SGCZ: variants seen among roughly 807,000 people sequenced by gnomAD.
The protein encoded by SGCZ is sarcoglycan zeta.
Under a neutral mutation model 41.3 loss-of-function variants are expected in SGCZ, and 40 were observed. That is an observed-to-expected ratio of 0.97 (90% CI 0.75 to 1.26). SGCZ has a LOEUF of 1.26. SGCZ is among the 50% of genes most tolerant of loss of function. The pLI is 0.00. For synonymous variants in SGCZ, 206 were observed against 137.5 expected, an observed-to-expected ratio of 1.50 and a Z score of -3.49; for missense variants, 552 against 369.8, an observed-to-expected ratio of 1.49 and a Z score of -4.04.
At chr8:14,224,542 G>A (rs1240992755) in intron 4 of SGCZ, among the ~76,000 whole-genome samples, 2 of 152,050 alleles carry the variant, frequency 1.3e-5, no homozygotes, top group African/African-American at 2.4e-5. Context: ...TTGTGCATCT[G>A]GAAATATTTC....
intron 2 of SGCZ, among the ~76,000 whole-genome samples, chr8:14,338,381 G>A (rs766752593): frequency 2.1e-4 from 32 of 152,094 alleles, no homozygotes; most frequent in Non-Finnish European, 3.5e-4. Flanking sequence ...CACCCACGTG[G>A]GTAGCTTATG....
At chr8:15,163,105 ATG>A (rs1164382986) in intron 1 of SGCZ, among the ~76,000 whole-genome samples, 1 of 152,196 alleles carries the variant, frequency 6.6e-6, no homozygotes, top group Non-Finnish European at 1.5e-5. Context: ...TGTTATACAC[ATG>A]TGTTTGCATG....
chr8:14,429,467 G>A (rs1287552360), intron 2 of SGCZ, among the ~76,000 whole-genome samples: 1 of 152,164 alleles, frequency 6.6e-6, no homozygotes. Context: ...CAGAGAGAAA[G>A]AGAGTGAGAT....
intron 2 of SGCZ, among the ~76,000 whole-genome samples, chr8:14,530,168 A>G (rs1158965259): frequency 6.6e-6 from 1 of 152,006 alleles, no homozygotes; most frequent in Non-Finnish European, 1.5e-5. Context: ...TCTCAGTAAA[A>G]TTACATATCT....
At chr8:14,989,672 A>T (rs1157775305) in intron 1 of SGCZ, among the ~76,000 whole-genome samples, 1 of 152,164 alleles carries the variant, frequency 6.6e-6, no homozygotes, top group Non-Finnish European at 1.5e-5. Flanking sequence ...TCAGTACAGA[A>T]ATAACCTAGT....
intron 4 of SGCZ, among the ~76,000 whole-genome samples, chr8:14,194,055 CAT>C (rs148021459): frequency 0.039 from 5,935 of 151,600 alleles, 130 homozygotes; most frequent in Middle Eastern, 0.069. Context: ...AAACAAATAA[CAT>C]ATATTTCTCA....
chr8:14,134,295 T>G (rs992259176), intron 5 of SGCZ, among the ~76,000 whole-genome samples: 3 of 152,144 alleles, frequency 2.0e-5, no homozygotes, highest in South Asian at 4.1e-4. Flanking sequence ...ATCAAATAAT[T>G]TTTGTCCTCC....
chr8:14,858,106 T>C (rs1020502189), intron 1 of SGCZ, among the ~76,000 whole-genome samples: 8 of 152,112 alleles, frequency 5.3e-5, no homozygotes, highest in South Asian at 2.1e-4. Flanking sequence ...TCCTTTATAA[T>C]AAAATCCAGT....
intron 1 of SGCZ, among the ~76,000 whole-genome samples, chr8:14,721,866 T>C (rs1222298373): frequency 7.9e-6 from 1 of 127,322 alleles, no homozygotes; most frequent in Non-Finnish European, 1.5e-5. Context: ...CTACTCTCTC[T>C]GTGCACAACC....
chr8:14,250,137 G>C (rs1325964761), intron 3 of SGCZ, among the ~76,000 whole-genome samples: 2 of 152,198 alleles, frequency 1.3e-5, no homozygotes, highest in Non-Finnish European at 2.9e-5. Flanking sequence ...TCTTTGAGTA[G>C]AATGACTCTA....
At chr8:15,137,666 T>G (rs112846765) in intron 1 of SGCZ, among the ~76,000 whole-genome samples, 27 of 105,706 alleles carry the variant, frequency 2.6e-4, no homozygotes, top group African/African-American at 7.9e-4. Context: ...TTGGCACCTT[T>G]CATGTGGTGT....
intron 2 of SGCZ, among the ~76,000 whole-genome samples, chr8:14,435,010 AT>A (rs1225580556): frequency 1.3e-5 from 2 of 152,218 alleles, no homozygotes; most frequent in East Asian, 1.9e-4. Flanking sequence ...ATTTAAAAAA[AT>A]AATTACCAAT....
intron 1 of SGCZ, among the ~76,000 whole-genome samples, chr8:15,138,449 G>A (rs1457379663): frequency 6.6e-6 from 1 of 152,014 alleles, no homozygotes; most frequent in Non-Finnish European, 1.5e-5. Context: ...TAATATGGTT[G>A]GGCGGCACCC....
At chr8:14,454,426 C>G (rs1222296860) in intron 2 of SGCZ, among the ~76,000 whole-genome samples, 1 of 152,098 alleles carries the variant, frequency 6.6e-6, no homozygotes, top group African/African-American at 2.4e-5. Flanking sequence ...ATTTGATAGT[C>G]ATTTCTTAAT....
chr8:14,823,452 A>T (rs1293468688), intron 1 of SGCZ, among the ~76,000 whole-genome samples: 1 of 152,220 alleles, frequency 6.6e-6, no homozygotes, highest in African/African-American at 2.4e-5. Context: ...AAAAATACAT[A>T]AGAAAGGCCA....
In SGCZ at chr8:14,088,282, A is replaced by C. The variant is rs1801583975; in HGVS notation, c.*2161T>G. Among the ~76,000 whole-genome samples the C allele has an allele frequency of 6.6e-6, 1 of 151,808 alleles. No individual in the cohort carries two copies. Among genetic ancestry groups the C allele is most frequent in the Non-Finnish European group, 1.5e-5 (1 of 67,840 alleles). On this transcript the variant is annotated 3_prime_UTR_variant, in exon 8 of 8. Coordinates refer to ENST00000382080, the MANE Select transcript of SGCZ (RefSeq NM_139167.4). ...CCTGGAGAGATTCTCGAACTGCCTA[A>C]AACAGCTCAATTGATTAGTAGAAGA...
rs140555578 is a variant in SGCZ at position 14,354,407 on chromosome 8, T to G, written c.235-30203A>C. Among the ~76,000 whole-genome samples, 891 of 151,970 alleles carry G rather than the reference T, an allele frequency of 5.9e-3. 15 individuals are homozygous for G. The highest frequency in any genetic ancestry group is 0.021 in the African/African-American group (859 of 41,518). The stretch of plus-strand genomic sequence containing the variant: ...AACTCCTATAATGATACCACTTCGA[T>G]GTGAATATAGTAAGATATTTTCTAA... On this transcript the variant is annotated intron_variant, in intron 2 of 7. Coordinates refer to ENST00000382080, the MANE Select transcript of SGCZ (RefSeq NM_139167.4).
intron 1 of SGCZ, among the ~76,000 whole-genome samples, chr8:14,975,270 C>A (rs1045335096): frequency 6.6e-6 from 1 of 152,166 alleles, no homozygotes; most frequent in African/African-American, 2.4e-5. Flanking sequence ...CGCACCACTG[C>A]ACTCCAGCCT....
intron 1 of SGCZ, among the ~76,000 whole-genome samples, chr8:14,647,087 A>C (rs1179841124): frequency 3.3e-5 from 5 of 151,876 alleles, no homozygotes; most frequent in Admixed American, 1.3e-4. Context: ...TTGTGTTAGG[A>C]CTTGTACTGC....
Sources: allele counts gnomAD v4.1 joint callset (sites outside exome capture counted in the v4.1 genomes callset), GRCh38; gene constraint gnomAD v4.1.1; transcripts MANE v1.5; gene names NCBI Gene and HGNC (gene_info 2026-07-23, HGNC 2026-07-21).